The following SORCS2 variants were observed in gnomAD, a reference collection of about 807,000 sequenced individuals.
The protein encoded by SORCS2 is sortilin related VPS10 domain containing receptor 2, also known as VPS10 domain-containing receptor SorCS2.
In SORCS2, 100 loss-of-function variants were observed where a neutral mutation model predicts 141.6. The observed-to-expected ratio is 0.71, with a 90% CI of 0.60 to 0.83. The LOEUF (loss-of-function observed/expected upper bound fraction) is 0.83. SORCS2 is among the 40% of genes least tolerant of loss of function. SORCS2 has a pLI of 0.00. For synonymous variants in SORCS2, 789 were observed against 676.9 expected (o/e 1.17, Z -2.57); for missense variants, 1,646 against 1,560.2 (o/e 1.05, Z -0.93).
At chr4:7,590,462 GA>G (rs1716842796) in intron 3 of SORCS2, among the ~76,000 whole-genome samples, 1 of 152,230 alleles carries the variant, frequency 6.6e-6, no homozygotes, top group East Asian at 1.9e-4. Flanking sequence ...TCCAGGGCAA[GA>G]ATGAGCTCTG....
chr4:7,660,761 A>G (rs901131220), intron 5 of SORCS2, among the ~76,000 whole-genome samples: 2 of 152,228 alleles, frequency 1.3e-5, no homozygotes, highest in Non-Finnish European at 2.9e-5. Context: ...GTCCAGGCCC[A>G]TGTGTGGGGA....
At chr4:7,491,867 A>G (rs1382228481) in intron 2 of SORCS2, among the ~76,000 whole-genome samples, 2 of 152,180 alleles carry the variant, frequency 1.3e-5, no homozygotes, top group Non-Finnish European at 2.9e-5. Context: ...GTGGCTGTCC[A>G]GGGCTGTGCT....
rs1251793363 is a variant in SORCS2, at chr4:7,282,034, G to C, written c.480+88908G>C. Among the ~76,000 whole-genome samples, 5 of 152,142 alleles carry C rather than the reference G, an allele frequency of 3.3e-5. No individual in the cohort carries two copies. In the East Asian group the frequency reaches 9.6e-4, roughly 29 times the overall value. On this transcript the variant is annotated intron_variant, in intron 1 of 26. Coordinates refer to ENST00000507866, the MANE Select transcript of SORCS2 (RefSeq NM_020777.3). ...CCTCGTGGAGCTCCTAAGGGGAAGG[G>C]GAACCTCACTTTGGCCCCCACCGCA...
At chr4:7,237,184 C>A (rs777565661) in intron 1 of SORCS2, among the ~76,000 whole-genome samples, 46 of 152,248 alleles carry the variant, frequency 3.0e-4, no homozygotes, top group Non-Finnish European at 5.1e-4. Flanking sequence ...CAATTTTCAT[C>A]TTCTTCTTTA....
chr4:7,300,883 C>T (rs892143432), intron 1 of SORCS2, among the ~76,000 whole-genome samples: 5 of 152,196 alleles, frequency 3.3e-5, no homozygotes, highest in Non-Finnish European at 5.9e-5. Flanking sequence ...TCTGGCCACT[C>T]GGCCTCTCAG....
intron 1 of SORCS2, among the ~76,000 whole-genome samples, chr4:7,237,365 TG>T (rs1712362017): frequency 6.6e-6 from 1 of 152,162 alleles, no homozygotes; most frequent in East Asian, 1.9e-4. Context: ...GCTGGGCTGC[TG>T]TTTTTAGAAG....
At chr4:7,319,084 G>T (rs1718741050) in intron 1 of SORCS2, among the ~76,000 whole-genome samples, 2 of 152,124 alleles carry the variant, frequency 1.3e-5, no homozygotes, top group Non-Finnish European at 2.9e-5. Flanking sequence ...TTTTACTGAG[G>T]AGCAGTATTC....
Position 7,423,867 on chromosome 4 carries a change from TG to T in SORCS2, c.548+27514del, listed in dbSNP as rs1293417609. ...GATTTGTAATGTTGGCCAGTTTTCA[TG>T]GTGTAAGTTCTCCCACCGTGGCGGC... On this transcript the variant is annotated intron_variant, in intron 2 of 26. Transcript: ENST00000507866. Among the ~76,000 whole-genome samples the T allele has an allele frequency of 6.6e-5, 10 of 152,346 alleles. No individual in the cohort carries two copies. The East Asian group carries it at 1.9e-3, about 29-fold the overall frequency.
At chr4:7,718,220 C>T (rs368853169) in intron 18 of SORCS2, 37 bp downstream of exon 18, 10 of 1,586,222 alleles carry the variant, frequency 6.3e-6, no homozygotes, top group African/African-American at 2.7e-5. Flanking sequence ...CTGGGACTGT[C>T]GGGCAGGGGC....
At chr4:7,734,171 G>A in intron 24 of SORCS2, 101 bp from the exon 25 acceptor site, 4 of 810,074 alleles carry the variant, frequency 4.9e-6, no homozygotes, top group Non-Finnish European at 7.8e-6. Flanking sequence ...GATGGGCGGG[G>A]GACAGGCTGG....
intron 3 of SORCS2, among the ~76,000 whole-genome samples, chr4:7,625,397 C>T (rs956114276): frequency 6.6e-6 from 1 of 152,008 alleles, no homozygotes; most frequent in Non-Finnish European, 1.5e-5. Context: ...AAAAGAGAGA[C>T]AAGAACATCT....
intron 3 of SORCS2, among the ~76,000 whole-genome samples, chr4:7,587,985 G>A (rs1282239966): frequency 2.6e-5 from 4 of 152,186 alleles, no homozygotes; most frequent in Non-Finnish European, 4.4e-5. Flanking sequence ...CTGTAAAAGT[G>A]GTCCCAAAGG....
In SORCS2 at chr4:7,233,984, C is replaced by G. The variant is rs1712086792; in HGVS notation, c.480+40858C>G. 6.6e-6 allele frequency among the ~76,000 whole-genome samples: 1 copy of G among 152,144 alleles called. No individual in the cohort carries two copies. The highest frequency in any genetic ancestry group is 2.4e-5 in the African/African-American group (1 of 41,428). ...AAGGGGGTGGGGGAGGACCGTATCC[C>G]CGAGCCTCTCCAGGGAGCCCATGCA... is the stretch of plus-strand genomic sequence containing the variant. On this transcript the variant is annotated intron_variant, in intron 1 of 26. Coordinates refer to ENST00000507866, the MANE Select transcript of SORCS2 (RefSeq NM_020777.3). The surrounding 1 kb of genome is among the most constrained non-coding windows in gnomAD (Gnocchi z 4.5).
chr4:7,395,368 C>G (rs78433330), intron 1 of SORCS2, among the ~76,000 whole-genome samples: 280 of 152,304 alleles, frequency 1.8e-3, no homozygotes, highest in African/African-American at 6.5e-3. Context: ...AAAGCTGTTC[C>G]CATCTTACCT....
rs7679239 is a variant in SORCS2, at chr4:7,663,774, T to G, written c.953-579T>G. Among the ~76,000 whole-genome samples the G allele has an allele frequency of 0.075, 11,404 of 152,158 alleles. 795 individuals carry two copies. The highest frequency in any genetic ancestry group is 0.19 in the African/African-American group (7,800 of 41,458). On this transcript the variant is annotated intron_variant, in intron 6 of 26. Coordinates refer to ENST00000507866, the MANE Select transcript of SORCS2 (RefSeq NM_020777.3). This position sits in a 1 kb window ranked among gnomAD's most constrained non-coding sequence, Gnocchi z 4.8. ...GGAGGCACCCTTCCCTTGGTCCCCT[T>G]GGATAAATCTTCCTCCTGGCTCACA...
In SORCS2 at chr4:7,485,252, C is replaced by T. The variant is rs146831146; in HGVS notation, c.549-46278C>T. The stretch of plus-strand genomic sequence containing the variant: ...GTCTAAGCCAGCATGCCCCTCCCAT[C>T]GCCCTGGGCAGCTGTGTCTCAGTCA... On this transcript the variant is annotated intron_variant, in intron 2 of 26. Transcript: ENST00000507866. 3.4e-3 allele frequency among the ~76,000 whole-genome samples: 519 copies of T among 152,350 alleles called. 3 individuals are homozygous for T. Among genetic ancestry groups the T allele is most frequent in the African/African-American group, 0.012 (482 of 41,570 alleles).
At chr4:7,609,659 C>T (rs1192939125) in intron 3 of SORCS2, among the ~76,000 whole-genome samples, 1 of 152,246 alleles carries the variant, frequency 6.6e-6, no homozygotes, top group Non-Finnish European at 1.5e-5. Context: ...ATGGAAGGGT[C>T]CCAGGGCCAG....
intron 5 of SORCS2, among the ~76,000 whole-genome samples, chr4:7,659,669 G>A (rs1372913302): frequency 6.6e-6 from 1 of 152,250 alleles, no homozygotes; most frequent in Non-Finnish European, 1.5e-5. Flanking sequence ...CCAGGAGAGA[G>A]TGTCCAAGAG....
intron 3 of SORCS2, among the ~76,000 whole-genome samples, chr4:7,587,165 G>T (rs1032149768): frequency 2.0e-5 from 3 of 152,060 alleles, no homozygotes; most frequent in African/African-American, 7.2e-5. Flanking sequence ...TGCCTTGGAT[G>T]CCCTTCAGTT....
Sources: gnomAD v4.1 joint callset for allele counts (sites outside exome capture counted in the v4.1 genomes callset) on GRCh38, gnomAD v4.1.1 for gene constraint, Gnocchi (gnomAD v3.1) non-coding constraint, MANE v1.5 for transcripts, NCBI Gene and HGNC (gene_info 2026-07-23, HGNC 2026-07-21) for gene names.